DNAH8: variants seen among roughly 807,000 people sequenced by gnomAD.
DNAH8 encodes the protein axonemal beta dynein heavy chain 8.
A neutral mutation model predicts 562.1 loss-of-function variants in DNAH8; 382 were observed. That is an observed-to-expected ratio of 0.68 (90% CI 0.63 to 0.74). The LOEUF is 0.74. Among genes scored for constraint, DNAH8 ranks in the 30% least tolerant of loss-of-function variants. The pLI is 0.00. For synonymous variants in DNAH8, 1,881 were observed against 1,919.4 expected (o/e 0.98, Z 0.52); for missense variants, 5,203 against 5,620.4 (o/e 0.93, Z 2.37).
chr6:38,742,438 A>T (rs1764593106), intron 8 of DNAH8, among the ~76,000 whole-genome samples: 1 of 151,548 alleles, frequency 6.6e-6, no homozygotes, highest in African/African-American at 2.4e-5. Flanking sequence ...GCTGGGACTA[A>T]CAGGCATGCC....
In DNAH8 at chr6:38,870,561, A is replaced by G; in HGVS notation, c.6989A>G (p.Gln2330Arg). 1.2e-6 allele frequency: 2 copies of G among 1,613,092 alleles called. No homozygotes were observed. Among genetic ancestry groups the G allele is most frequent in the Non-Finnish European group, 1.7e-6 (2 of 1,179,448 alleles). Residue 2330 changes from glutamine to arginine, a missense_variant and splice_region_variant, in exon 49 of 93, where the codon CAG (glutamine) becomes CGG (arginine). Coordinates refer to ENST00000327475, the MANE Select transcript of DNAH8 (RefSeq NM_001206927.2). ...NHPPWNLKLVQLYETSLVRHG... is the reference protein window; with the variant it reads ...NHPPWNLKLVRLYETSLVRHG... ...CCACCCTGGAACCTGAAACTCGTGC[A>G]GGTAAAGACATTTTAATCTATTATT...
Position 38,971,602 on chromosome 6 carries a change from T to G in DNAH8, c.12462T>G (p.Thr4154=). 1.3e-6 allele frequency: 2 copies of G among 1,586,414 alleles called. No individual in the cohort carries two copies. Among genetic ancestry groups the G allele is most frequent in the Non-Finnish European group, 1.7e-6 (2 of 1,167,562 alleles). ...TCTCCTATGTTACAGAATGTAGAAC[T>G]ATCTCAATGGGGCAAGGACAAGAAG... ...LAKKLKLECR[T]ISMGQGQEVH... Residue 4154 remains threonine, a synonymous_variant, in exon 83 of 93, where the codon ACT becomes ACG. Coordinates refer to ENST00000327475, the MANE Select transcript of DNAH8 (RefSeq NM_001206927.2).
At chr6:38,989,860 AATT>A in intron 87 of DNAH8, 149 bp from the exon 88 acceptor site, 2 of 541,406 alleles carry the variant, frequency 3.7e-6, no homozygotes, top group Non-Finnish European at 6.5e-6. Flanking sequence ...TATATGTGGT[AATT>A]ATTCTATCAG....
intron 88 of DNAH8, among the ~76,000 whole-genome samples, chr6:38,993,797 A>G (rs1272240413): frequency 1.3e-5 from 2 of 152,128 alleles, no homozygotes; most frequent in Non-Finnish European, 2.9e-5. Context: ...CATTGTTTAT[A>G]TGGATCATAG....
chr6:38,911,328 T>A, intron 65 of DNAH8, 140 bp from the exon 66 acceptor site: 1 of 723,374 alleles, frequency 1.4e-6, no homozygotes. Flanking sequence ...CCACCTCACC[T>A]CTGAGAAACC....
chr6:39,028,595 T>A (rs1384030018), intron 92 of DNAH8, among the ~76,000 whole-genome samples: 1 of 152,206 alleles, frequency 6.6e-6, no homozygotes, highest in Non-Finnish European at 1.5e-5. Flanking sequence ...GTGTGCAAAG[T>A]CCCTATTTCC....
At chr6:39,006,892 G>T (rs1765831547) in intron 88 of DNAH8, among the ~76,000 whole-genome samples, 1 of 152,138 alleles carries the variant, frequency 6.6e-6, no homozygotes, top group Non-Finnish European at 1.5e-5. Context: ...TGGGGTCCCA[G>T]ATTTATGTAG....
Position 38,931,602 on chromosome 6 carries a change from A to G in DNAH8, c.11275-209A>G, listed in dbSNP as rs560534061. ...ATTTGATTTGCTTGGTATCATTGCT[A>G]AAAACATCACCAGGCAGGACTACAA... On this transcript the variant is annotated intron_variant, in intron 75 of 92. Coordinates refer to ENST00000327475, the MANE Select transcript of DNAH8 (RefSeq NM_001206927.2). Among the ~76,000 whole-genome samples the G allele has an allele frequency of 4.6e-5, 7 of 152,272 alleles. No homozygotes were observed. The East Asian group carries it at 5.8e-4, about 13-fold the overall frequency.
At position 39,012,530 on chromosome 6, in the gene DNAH8, T is replaced by C. The variant is rs138278528; in HGVS notation, c.13607T>C (p.Leu4536Pro). The change falls in exon 91 of 93, where the codon CTG (leucine) becomes CCG (proline). Residue 4536 changes from leucine to proline, a missense_variant. Physicochemically the swap from Leu to Pro is moderately conservative, Grantham distance 98 (BLOSUM62 -3). Coordinates refer to ENST00000327475, the MANE Select transcript of DNAH8 (RefSeq NM_001206927.2). Reference sequence around the variant, plus strand: ...AGAGTGTCTTGGGATTCGTCCACACTGGGCTTCTGGTTCACTGAACTTTTG... The same window carrying C: ...AGAGTGTCTTGGGATTCGTCCACACCGGGCTTCTGGTTCACTGAACTTTTG... Reference protein sequence around the residue: ...WKRVSWDSSTLGFWFTELLER... With the variant: ...WKRVSWDSSTPGFWFTELLER... 67 of 1,613,928 alleles carry C rather than the reference T, an allele frequency of 4.2e-5. No individual in the cohort carries two copies. In the African/African-American group the frequency reaches 7.5e-4, roughly 18 times the overall value.
chr6:38,742,355 T>C (rs1764587091), intron 8 of DNAH8, among the ~76,000 whole-genome samples: 1 of 152,156 alleles, frequency 6.6e-6, no homozygotes, highest in South Asian at 2.1e-4. Flanking sequence ...TGGGGTGCAA[T>C]GGTGTGTTCA....
chr6:38,753,768 G>T (rs573355809), intron 9 of DNAH8, among the ~76,000 whole-genome samples: 4 of 151,884 alleles, frequency 2.6e-5, no homozygotes, highest in African/African-American at 9.7e-5. Context: ...ATTTTAAAAA[G>T]CTTTGTTCAA....
intron 37 of DNAH8, among the ~76,000 whole-genome samples, chr6:38,849,889 C>T (rs1027326093): frequency 1.3e-4 from 19 of 151,936 alleles, no homozygotes; most frequent in African/African-American, 4.1e-4. Flanking sequence ...AAATTATTTT[C>T]ATGCTTCTTC....
intron 70 of DNAH8, among the ~76,000 whole-genome samples, chr6:38,920,607 T>A (rs1781628000): frequency 6.6e-6 from 1 of 152,178 alleles, no homozygotes; most frequent in South Asian, 2.1e-4. Flanking sequence ...TATCACAACA[T>A]TATTTGTAAT....
chr6:38,916,375 A>G (rs9470949), intron 68 of DNAH8, among the ~76,000 whole-genome samples: 18,534 of 152,116 alleles, frequency 0.12, 1,232 homozygotes, highest in South Asian at 0.23. Flanking sequence ...GGAAGTTTTC[A>G]GTTCTTCTTC....
chr6:38,759,195 C>G (rs1766239815), intron 10 of DNAH8, among the ~76,000 whole-genome samples: 1 of 151,998 alleles, frequency 6.6e-6, no homozygotes, highest in Non-Finnish European at 1.5e-5. Context: ...GTAGTCCTAG[C>G]TATTCCAGAG....
chr6:38,924,571 T>C (rs1222131975), intron 73 of DNAH8, among the ~76,000 whole-genome samples: 2 of 151,972 alleles, frequency 1.3e-5, no homozygotes, highest in South Asian at 4.2e-4. Flanking sequence ...GTTTTGAAAG[T>C]GCTTAAGAGT....
At chr6:38,848,914 G>A in intron 37 of DNAH8, 113 bp downstream of exon 37, 1 of 935,308 alleles carries the variant, frequency 1.1e-6, no homozygotes, top group Non-Finnish European at 1.6e-6. Flanking sequence ...GATGGGGTTT[G>A]GCAAACTATG....
chr6:38,856,725 T>A (rs1164276380), intron 41 of DNAH8, among the ~76,000 whole-genome samples: 6 of 152,154 alleles, frequency 3.9e-5, no homozygotes, highest in African/African-American at 1.4e-4. Context: ...AGGGTTTTAT[T>A]CTTTCTTTTC....
intron 49 of DNAH8, among the ~76,000 whole-genome samples, chr6:38,872,109 A>G (rs985128435): frequency 1.3e-5 from 2 of 152,164 alleles, no homozygotes; most frequent in African/African-American, 4.8e-5. Context: ...CTTCTGGGGA[A>G]TTAGAAGGCC....
Sources: gnomAD v4.1 joint callset for allele counts (sites outside exome capture counted in the v4.1 genomes callset) on GRCh38, gnomAD v4.1.1 for gene constraint, MANE v1.5 for transcripts, NCBI Gene and HGNC (gene_info 2026-07-23, HGNC 2026-07-21) for gene names.